The following NDRG3 variants were observed in gnomAD, a reference collection of about 807,000 sequenced individuals.
The protein encoded by NDRG3 is NDRG family member 3.
A neutral mutation model predicts 57.2 loss-of-function variants in NDRG3; 23 were observed. That is an observed-to-expected ratio of 0.40 (90% confidence interval 0.29 to 0.57). NDRG3 has a LOEUF of 0.57. Ranked by LOEUF, NDRG3 falls within the 20% of genes least tolerant of loss-of-function variation. The pLI is 0.42. For synonymous variants in NDRG3, 132 were observed against 162.6 expected (o/e 0.81, Z 1.43); for missense variants, 384 against 457.3 (o/e 0.84, Z 1.46).
At chr20:36,687,425 C>A (rs758027567) in intron 5 of NDRG3, 67 bp downstream of exon 5, 2 of 1,570,756 alleles carry the variant, frequency 1.3e-6, no homozygotes, top group Non-Finnish European at 1.7e-6. Flanking sequence ...CACCACTTCT[C>A]CCACTGGAGC....
intron 9 of NDRG3, chr20:36,668,456 G>C (rs1414082506): frequency 6.6e-6 from 1 of 152,170 alleles, no homozygotes; most frequent in Non-Finnish European, 1.5e-5. Flanking sequence ...TGGTGAAGTT[G>C]AGCATTATTC....
At chr20:36,695,654 A>T (rs1231074573) in intron 3 of NDRG3, among the ~76,000 whole-genome samples, 1 of 152,180 alleles carries the variant, frequency 6.6e-6, no homozygotes, top group Admixed American at 6.5e-5. Flanking sequence ...AGCCTGGCAA[A>T]TTCTAGTCAG....
intron 7 of NDRG3, among the ~76,000 whole-genome samples, chr20:36,681,904 G>A (rs1034597097): frequency 6.6e-6 from 1 of 151,806 alleles, no homozygotes; most frequent in African/African-American, 2.4e-5. Context: ...CACCATGTTG[G>A]CCAGGCTGGT....
intron 9 of NDRG3, among the ~76,000 whole-genome samples, chr20:36,670,981 A>C (rs1980100946): frequency 6.6e-6 from 1 of 152,220 alleles, no homozygotes; most frequent in Non-Finnish European, 1.5e-5. Context: ...TTCTTTTAGC[A>C]CTATTATTTC....
intron 1 of NDRG3, among the ~76,000 whole-genome samples, chr20:36,730,278 C>T (rs1179585872): frequency 1.3e-5 from 2 of 150,710 alleles, no homozygotes; most frequent in Non-Finnish European, 3.0e-5. Flanking sequence ...TTTTTGGAGA[C>T]AGGGTCTTGC....
chr20:36,687,249 G>A (rs967489052), intron 5 of NDRG3, among the ~76,000 whole-genome samples: 38 of 152,124 alleles, frequency 2.5e-4, no homozygotes, highest in Non-Finnish European at 4.9e-4. Flanking sequence ...GAGATTACAG[G>A]AAAGCAGGCA....
rs555594937 is a variant in NDRG3, at chr20:36,662,801, G to A, written c.810+2245C>T. 4.6e-5 allele frequency among the ~76,000 whole-genome samples: 7 copies of A among 152,258 alleles called. No homozygotes were observed. In the East Asian group the frequency reaches 1.4e-3, roughly 29 times the overall value. ...TACTTGTGGTATAGACAGGGCTCCA[G>A]AATTCTCATAAACACTGAAGATGTG... On this transcript the variant is annotated intron_variant, in intron 12 of 15. Transcript: ENST00000349004.
chr20:36,692,126 T>C (rs1041303127), intron 3 of NDRG3, among the ~76,000 whole-genome samples: 3 of 152,252 alleles, frequency 2.0e-5, no homozygotes, highest in African/African-American at 7.2e-5. Flanking sequence ...TACTATTTCA[T>C]ACATACCAAA....
chr20:36,653,552 C>T lies in NDRG3; in HGVS notation c.1096G>A (p.Asp366Asn). The T allele has an allele frequency of 6.2e-7, 1 of 1,614,148 alleles. No homozygotes were observed. Among genetic ancestry groups the T allele is most frequent in the Non-Finnish European group, 8.5e-7 (1 of 1,180,006 alleles). Reference sequence around the variant, plus strand: ...GACACCTCCATGGTCTGGTGTCTGTCCAGGACATCAGGGGACTCACAGGAT... The same window carrying T: ...GACACCTCCATGGTCTGGTGTCTGTTCAGGACATCAGGGGACTCACAGGAT... ...QESCESPDVL[D>N]RHQTMEVSC The change falls in exon 16 of 16, where the codon GAC becomes AAC. Residue 366 changes from aspartate to asparagine, a missense_variant. Asp to Asn is a conservative substitution (Grantham distance 23). Transcript: ENST00000349004. This position sits in a 1 kb window ranked among gnomAD's most constrained non-coding sequence, Gnocchi z 4.2.
chr20:36,739,513 T>TATAGAAGCA (rs1406868974), intron 1 of NDRG3, among the ~76,000 whole-genome samples: 1 of 131,426 alleles, frequency 7.6e-6, no homozygotes, highest in Non-Finnish European at 1.6e-5. Flanking sequence ...GCCTTAAAAA[T>TATAGAAGCA]ATAGAAGCAC....
rs74173994 is a variant in NDRG3, at chr20:36,723,659, A to AATGT, written c.-48-1877_-48-1876insACAT. Among the ~76,000 whole-genome samples, 633 of 132,938 alleles carry AATGT rather than the reference A, an allele frequency of 4.8e-3. 5 individuals are homozygous for AATGT. Among genetic ancestry groups the AATGT allele is most frequent in the African/African-American group, 0.017 (597 of 35,320 alleles). 87.2% of individuals were successfully genotyped at this position (132,938 alleles called of 152,430 possible). On this transcript the variant is annotated intron_variant, in intron 1 of 15. Transcript: ENST00000349004. ...GAAAGCCTTCAAAAGATATTAGTCT[A>AATGT]GTGTGTGTGTGTGTGTGTGTGTGTG...
chr20:36,665,106 G>A lies in NDRG3; in HGVS notation c.759-9C>T. ...CCAGTAAAGTAGAACACCTAGGTAG[G>A]CAAAGTAAGAGGTGTCACTCAGCAA... is the stretch of plus-strand genomic sequence containing the variant. On this transcript the variant is annotated splice_polypyrimidine_tract_variant and intron_variant, in intron 11 of 15. Coordinates refer to ENST00000349004, the MANE Select transcript of NDRG3 (RefSeq NM_032013.4). 6.2e-7 allele frequency: 1 copy of A among 1,613,982 alleles called. No homozygotes were observed. The highest frequency in any genetic ancestry group is 8.5e-7 in the Non-Finnish European group (1 of 1,179,864).
chr20:36,715,129 A>G (rs1210019995), intron 2 of NDRG3, among the ~76,000 whole-genome samples: 1 of 149,242 alleles, frequency 6.7e-6, no homozygotes, highest in East Asian at 2.0e-4. Context: ...AAATTTATAA[A>G]GAGGTTGGAT....
chr20:36,743,659 A>G (rs972108872), intron 1 of NDRG3, among the ~76,000 whole-genome samples: 5 of 151,334 alleles, frequency 3.3e-5, no homozygotes, highest in African/African-American at 9.7e-5. Flanking sequence ...CTAAAAAAAT[A>G]CAAAAAAAAT....
intron 2 of NDRG3, among the ~76,000 whole-genome samples, chr20:36,714,773 C>T (rs1984132368): frequency 6.6e-6 from 1 of 151,220 alleles, no homozygotes; most frequent in Non-Finnish European, 1.5e-5. Flanking sequence ...GCCACCACGC[C>T]CGGCTAATTT....
chr20:36,680,988 C>T (rs1981237682), intron 7 of NDRG3, 86 bp from the exon 8 acceptor site: 2 of 1,044,592 alleles, frequency 1.9e-6, no homozygotes, highest in Admixed American at 2.0e-5. Flanking sequence ...TCAATTCTTA[C>T]TTACATGCCT....
intron 8 of NDRG3, among the ~76,000 whole-genome samples, chr20:36,673,150 C>T: frequency 6.6e-6 from 1 of 152,260 alleles, no homozygotes; most frequent in Non-Finnish European, 1.5e-5. Context: ...CAATGTGAAA[C>T]ACTGCGCCCA....
At chr20:36,683,745 G>A (rs756584657) in intron 6 of NDRG3, among the ~76,000 whole-genome samples, 12 of 151,390 alleles carry the variant, frequency 7.9e-5, no homozygotes, top group Non-Finnish European at 1.3e-4. Flanking sequence ...AAACCTGGGA[G>A]TTATCCTTGG....
intron 8 of NDRG3, among the ~76,000 whole-genome samples, chr20:36,674,547 T>C (rs974813633): frequency 6.6e-6 from 1 of 151,190 alleles, no homozygotes; most frequent in Non-Finnish European, 1.5e-5. Flanking sequence ...TTCAAAAAAG[T>C]TCCTAGATAT....
Sources: allele counts gnomAD v4.1 joint callset (sites outside exome capture counted in the v4.1 genomes callset), GRCh38; gene constraint gnomAD v4.1.1; non-coding constraint Gnocchi (gnomAD v3.1); transcripts MANE v1.5; gene names NCBI Gene and HGNC (gene_info 2026-07-23, HGNC 2026-07-21).